CACNA1I: variants seen among roughly 807,000 people sequenced by gnomAD.
CACNA1I encodes the protein calcium voltage-gated channel subunit alpha1 I.
CACNA1I carries 74 observed loss-of-function variants against 201.6 expected under a neutral mutation model. The ratio of observed to expected loss-of-function variants is 0.37; its 90% CI spans 0.30 to 0.45. The LOEUF (loss-of-function observed/expected upper bound fraction) is 0.45, where lower values mean the gene tolerates loss of function less well. Ranked by LOEUF, CACNA1I falls within the 20% of genes least tolerant of loss-of-function variation. The pLI is 1.00. For missense variants in CACNA1I, 2,346 were observed against 3,138.1 expected, an observed-to-expected ratio of 0.75 and a Z score of 6.03; for synonymous variants, 1,431 against 1,345.2, an observed-to-expected ratio of 1.06 and a Z score of -1.40.
rs772321602 is a variant in CACNA1I, at chr22:39,677,294, C to T, written c.4855-47C>T. ...TCCACCCTTCCCAGGCCTGGTGCGC[C>T]CCCACCCGCTCCCCAGCCCCACCCG... On this transcript the variant is annotated intron_variant, in intron 29 of 36. Coordinates refer to ENST00000402142, the MANE Select transcript of CACNA1I (RefSeq NM_021096.4). This position sits in a 1 kb window ranked among gnomAD's most constrained non-coding sequence, Gnocchi z 4.8. 2.9e-6 allele frequency: 4 copies of T among 1,365,012 alleles called. No homozygotes were observed. Among genetic ancestry groups the T allele is most frequent in the Non-Finnish European group, 4.0e-6 (4 of 987,968 alleles). The allele number at this position is 1,365,012 out of a possible 1,614,324, so 84.6% of individuals were successfully genotyped here. A position where few individuals can be genotyped will look rare whatever the true frequency, so the allele number is the denominator to read the frequency against.
chr22:39,613,815 A>C (rs963369299), intron 3 of CACNA1I, among the ~76,000 whole-genome samples: 3 of 148,606 alleles, frequency 2.0e-5, no homozygotes, highest in Non-Finnish European at 4.4e-5. Context: ...GTCCCTTGGT[A>C]CCTGTCTGTG....
rs758903114 is a variant in CACNA1I at position 39,684,342 on chromosome 22, C to T, written c.5871C>T (p.Leu1957=). The part of the protein sequence containing the change: ...SPFSPDASSP[L]LPMPAEFFHP... ...TCTCCCCGGATGCCTCCAGCCCTCTCCTGCCCATGCCAGCCGAGTTCTTCC... is the reference window on the plus strand; with the variant it reads ...TCTCCCCGGATGCCTCCAGCCCTCTTCTGCCCATGCCAGCCGAGTTCTTCC... The change falls in exon 36 of 37, where the codon CTC becomes CTT. Residue 1957 remains leucine (L), a synonymous_variant. Coordinates refer to ENST00000402142, the MANE Select transcript of CACNA1I (RefSeq NM_021096.4). The surrounding 1 kb of genome is among the most constrained non-coding windows in gnomAD (Gnocchi z 4.6). 2 of 1,613,570 alleles carry T rather than the reference C, an allele frequency of 1.2e-6. No individual in the cohort carries two copies. Among genetic ancestry groups the T allele is most frequent in the East Asian group, 2.2e-5 (1 of 44,872 alleles).
chr22:39,650,825 G>T (rs1934624762), intron 10 of CACNA1I, among the ~76,000 whole-genome samples: 1 of 152,212 alleles, frequency 6.6e-6, no homozygotes, highest in South Asian at 2.1e-4. Flanking sequence ...GGGCTGGTGG[G>T]CCCCAGGGGG....
At chr22:39,669,378 C>T (rs1935295082) in intron 24 of CACNA1I, among the ~76,000 whole-genome samples, 1 of 152,246 alleles carries the variant, frequency 6.6e-6, no homozygotes, top group African/African-American at 2.4e-5. Flanking sequence ...CATGCATGCA[C>T]ATGCGTACAT....
At chr22:39,628,486 G>A (rs1933959902) in intron 4 of CACNA1I, among the ~76,000 whole-genome samples, 2 of 152,008 alleles carry the variant, frequency 1.3e-5, no homozygotes, top group Admixed American at 6.6e-5. Context: ...CCCCGAGGGT[G>A]TGAGCGCAGC....
intron 15 of CACNA1I, 78 bp downstream of exon 15, chr22:39,660,515 T>C: frequency 1.1e-6 from 1 of 908,700 alleles, no homozygotes; most frequent in South Asian, 1.7e-5. Context: ...GTACAGCGTC[T>C]GACTCCACCT....
At chr22:39,664,029 C>T (rs1935105663) in intron 19 of CACNA1I, 62 bp from the exon 20 acceptor site, 2 of 1,559,656 alleles carry the variant, frequency 1.3e-6, no homozygotes, top group Non-Finnish European at 1.8e-6. Context: ...AAAGCAGCGG[C>T]TGGCCAGTGG....
intron 4 of CACNA1I, among the ~76,000 whole-genome samples, chr22:39,619,875 C>T (rs578178121): frequency 3.9e-5 from 6 of 152,254 alleles, no homozygotes; most frequent in African/African-American, 1.4e-4. Flanking sequence ...ATCGATGTAC[C>T]TACTCACCCA....
intron 34 of CACNA1I, among the ~76,000 whole-genome samples, chr22:39,681,484 G>A (rs939565952): frequency 5.9e-5 from 9 of 152,148 alleles, no homozygotes; most frequent in African/African-American, 2.2e-4. Flanking sequence ...TTTGTCTGCC[G>A]CACGGCTCTG....
chr22:39,655,998 G>A (rs1286929318), intron 10 of CACNA1I, among the ~76,000 whole-genome samples: 2 of 152,126 alleles, frequency 1.3e-5, no homozygotes, highest in East Asian at 1.9e-4. Context: ...CGCGGACATC[G>A]CTTACTGGGC....
chr22:39,640,397 A>G (rs912840581), intron 5 of CACNA1I, among the ~76,000 whole-genome samples: 2 of 152,168 alleles, frequency 1.3e-5, no homozygotes, highest in African/African-American at 4.8e-5. Flanking sequence ...TAAAAAAGAA[A>G]AAAAAGAAAC....
At chr22:39,592,706 C>T (rs1180534125) in intron 1 of CACNA1I, among the ~76,000 whole-genome samples, 1 of 152,220 alleles carries the variant, frequency 6.6e-6, no homozygotes. Context: ...TGTGCTCCCC[C>T]TTGGGTCTCC....
At chr22:39,583,295 C>T (rs1932640170) in intron 1 of CACNA1I, among the ~76,000 whole-genome samples, 1 of 150,604 alleles carries the variant, frequency 6.6e-6, no homozygotes, top group Non-Finnish European at 1.5e-5. Context: ...CCTCCAACCA[C>T]TCATCCATTC....
chr22:39,612,904 C>T (rs1029786299), intron 3 of CACNA1I, among the ~76,000 whole-genome samples: 17 of 152,184 alleles, frequency 1.1e-4, no homozygotes, highest in African/African-American at 4.1e-4. Context: ...CGGATATTGG[C>T]AATGGCTGGT....
intron 24 of CACNA1I, 69 bp from the exon 25 acceptor site, chr22:39,669,969 G>A: frequency 6.4e-7 from 1 of 1,570,924 alleles, no homozygotes; most frequent in Non-Finnish European, 8.7e-7. Context: ...GGCTCAGCCA[G>A]GATGGGCACC....
In CACNA1I at chr22:39,686,176, C is replaced by T. The variant is rs1452954335; in HGVS notation, c.6443C>T (p.Thr2148Met). 1.0e-5 allele frequency: 13 copies of T among 1,286,900 alleles called. No homozygotes were observed. Among genetic ancestry groups the T allele is most frequent in the Middle Eastern group, 5.8e-4 (2 of 3,436 alleles). The allele number at this position is 1,286,900 out of a possible 1,614,324, so 79.7% of individuals were successfully genotyped here. A position where few individuals can be genotyped will look rare whatever the true frequency, so the allele number is the denominator to read the frequency against. Residue 2148 changes from threonine (T) to methionine (M), a missense_variant, in exon 37 of 37, where the codon ACG (threonine) becomes ATG (methionine). By Grantham distance (81) the Thr-to-Met change is moderately conservative (BLOSUM62 -1). Around this residue, in one of 13 missense-constraint regions of CACNA1I, gnomAD observed 187 missense variants for 151.0 expected, o/e 1.24. Coordinates refer to ENST00000402142, the MANE Select transcript of CACNA1I (RefSeq NM_021096.4). ...PPPPPPAPGL[T>M]PARKFSSTSS... Reference sequence around the variant, plus strand: ...CCCCCGCCGCCAGCCCCCGGCCTCACGCCCGCCAGGAAGTTCAGCAGCACC... The same window carrying T: ...CCCCCGCCGCCAGCCCCCGGCCTCATGCCCGCCAGGAAGTTCAGCAGCACC...
intron 3 of CACNA1I, among the ~76,000 whole-genome samples, chr22:39,603,313 T>C (rs1933122222): frequency 6.6e-6 from 1 of 152,218 alleles, no homozygotes; most frequent in Non-Finnish European, 1.5e-5. Flanking sequence ...CCCTTTTCTT[T>C]CACAGATTTT....
chr22:39,596,099 G>T (rs1447231966), intron 1 of CACNA1I, among the ~76,000 whole-genome samples: 1 of 133,428 alleles, frequency 7.5e-6, no homozygotes, highest in East Asian at 2.2e-4. Context: ...AGCGGCAGGA[G>T]CCAGTGAGGT....
At chr22:39,662,726 G>A (rs763812328) in intron 17 of CACNA1I, 50 bp from the exon 18 acceptor site, 7 of 1,343,726 alleles carry the variant, frequency 5.2e-6, no homozygotes, top group Middle Eastern at 4.9e-4. Flanking sequence ...GGCGGAGACC[G>A]GCAACCCTGC....
Sources: allele counts gnomAD v4.1 joint callset (sites outside exome capture counted in the v4.1 genomes callset), GRCh38; gene constraint gnomAD v4.1.1; regional missense constraint gnomAD v4.1.1; non-coding constraint Gnocchi (gnomAD v3.1); transcripts MANE v1.5; gene names NCBI Gene and HGNC (gene_info 2026-07-23, HGNC 2026-07-21).